The following PLPP4 variants were observed in gnomAD, a reference collection of about 807,000 sequenced individuals.
The protein encoded by PLPP4 is diacylglycerol pyrophosphate like 2.
PLPP4 carries 20 observed loss-of-function variants against 32.2 expected under a neutral mutation model. The observed-to-expected ratio is 0.62, with a 90% CI of 0.44 to 0.90. The LOEUF is 0.90. Ranked by LOEUF, PLPP4 falls within the 40% of genes least tolerant of loss-of-function variation. The pLI, the probability that PLPP4 is intolerant of heterozygous loss-of-function variation, is 0.00. For missense variants in PLPP4, 257 were observed against 353.1 expected, an observed-to-expected ratio of 0.73 and a Z score of 2.18; for synonymous variants, 127 against 133.0, an observed-to-expected ratio of 0.95 and a Z score of 0.31.
chr10:120,463,302 A>G (rs554728492), intron 1 of PLPP4, among the ~76,000 whole-genome samples: 3 of 152,298 alleles, frequency 2.0e-5, no homozygotes, highest in South Asian at 2.1e-4. Flanking sequence ...CTGGGATTAC[A>G]GGCGTGAGCC....
chr10:120,566,772 C>T (rs1848712123), intron 5 of PLPP4, among the ~76,000 whole-genome samples: 1 of 152,152 alleles, frequency 6.6e-6, no homozygotes, highest in Non-Finnish European at 1.5e-5. Context: ...CCAGGCTGGT[C>T]CCGAACTCCT....
At chr10:120,504,950 G>A (rs1845427095) in intron 2 of PLPP4, among the ~76,000 whole-genome samples, 1 of 152,232 alleles carries the variant, frequency 6.6e-6, no homozygotes, top group Admixed American at 6.5e-5. Flanking sequence ...CATAGAGCTG[G>A]TGAATATATT....
chr10:120,547,042 C>T (rs2133976122), intron 5 of PLPP4, among the ~76,000 whole-genome samples: 1 of 151,808 alleles, frequency 6.6e-6, no homozygotes, highest in African/African-American at 2.4e-5. Context: ...AGTTCAGGGA[C>T]CCTAGGTAGC....
intron 1 of PLPP4, among the ~76,000 whole-genome samples, chr10:120,496,104 A>G (rs954764974): frequency 5.3e-5 from 8 of 152,208 alleles, no homozygotes; most frequent in African/African-American, 1.9e-4. Flanking sequence ...GGGAAAAAGG[A>G]TGATGAAGTC....
At chr10:120,576,977 C>G (rs1311376154) in intron 6 of PLPP4, among the ~76,000 whole-genome samples, 1 of 152,210 alleles carries the variant, frequency 6.6e-6, no homozygotes, top group African/African-American at 2.4e-5. Flanking sequence ...TCTCATTGAT[C>G]CCTTGTGAGC....
intron 6 of PLPP4, among the ~76,000 whole-genome samples, chr10:120,578,113 G>C (rs1849308225): frequency 1.3e-5 from 2 of 152,180 alleles, no homozygotes; most frequent in Admixed American, 1.3e-4. Flanking sequence ...GAGAACCCCT[G>C]TTCTACATCA....
At chr10:120,518,065 C>A (rs940841560) in intron 3 of PLPP4, among the ~76,000 whole-genome samples, 7 of 152,172 alleles carry the variant, frequency 4.6e-5, no homozygotes, top group African/African-American at 1.7e-4. Flanking sequence ...TACGCACTCT[C>A]GATAAACCAC....
intron 1 of PLPP4, among the ~76,000 whole-genome samples, chr10:120,472,843 T>C (rs1848578510): frequency 6.6e-6 from 1 of 152,200 alleles, no homozygotes; most frequent in Non-Finnish European, 1.5e-5. Flanking sequence ...TCAAATTCAC[T>C]AATTCTTTAT....
At chr10:120,549,235 TAAAGA>T (rs979052666) in intron 5 of PLPP4, among the ~76,000 whole-genome samples, 1 of 151,060 alleles carries the variant, frequency 6.6e-6, no homozygotes, top group African/African-American at 2.4e-5. Flanking sequence ...CCTAAATACT[TAAAGA>T]AAAGATAATC....
At chr10:120,569,939 C>T (rs1010628982) in intron 5 of PLPP4, among the ~76,000 whole-genome samples, 7 of 152,142 alleles carry the variant, frequency 4.6e-5, no homozygotes, top group African/African-American at 1.7e-4. Context: ...ATGCTAAGAA[C>T]ATCTGTGATT....
At chr10:120,532,245 C>T (rs1044625243) in intron 5 of PLPP4, among the ~76,000 whole-genome samples, 3 of 152,092 alleles carry the variant, frequency 2.0e-5, no homozygotes, top group African/African-American at 7.2e-5. Flanking sequence ...ATGAACTCAT[C>T]TTTTTTTGTG....
At chr10:120,586,292 C>T (rs992062947) in intron 6 of PLPP4, among the ~76,000 whole-genome samples, 1 of 133,012 alleles carries the variant, frequency 7.5e-6, no homozygotes, top group East Asian at 2.2e-4. Context: ...TGCCAACACA[C>T]CTGGCTATTT....
In PLPP4 at chr10:120,575,271, C is replaced by T. The variant is rs367975027; in HGVS notation, c.586C>T (p.Arg196Cys). The T allele has an allele frequency of 6.1e-5, 98 of 1,613,918 alleles. No individual in the cohort carries two copies. Among genetic ancestry groups the T allele is most frequent in the East Asian group, 8.9e-5 (4 of 44,894 alleles). The change falls in exon 6 of 7, where the codon CGC becomes TGC. Residue 196 changes from arginine (R) to cysteine (C), a missense_variant. By Grantham distance (180) the Arg-to-Cys change is radical. Transcript: ENST00000398250. ...CTGCGCCATGATGATTGCCCTGTCC[C>T]GCATGTGCGACTACAAGCATCACTG... is the stretch of plus-strand genomic sequence containing the variant. The part of the protein sequence containing the change: ...LYCAMMIALS[R>C]MCDYKHHWQD...
At chr10:120,564,869 A>C (rs1449581872) in intron 5 of PLPP4, among the ~76,000 whole-genome samples, 1 of 151,864 alleles carries the variant, frequency 6.6e-6, no homozygotes, top group African/African-American at 2.4e-5. Flanking sequence ...TTAAATAGGG[A>C]GCAAATTTCT....
At chr10:120,462,541 T>C (rs1355838174) in intron 1 of PLPP4, among the ~76,000 whole-genome samples, 1 of 152,178 alleles carries the variant, frequency 6.6e-6, no homozygotes, top group East Asian at 1.9e-4. Flanking sequence ...ACTTCTTTGC[T>C]TTCCCCTGCT....
At chr10:120,532,713 A>T (rs1846798637) in intron 5 of PLPP4, among the ~76,000 whole-genome samples, 1 of 152,208 alleles carries the variant, frequency 6.6e-6, no homozygotes, top group Admixed American at 6.5e-5. Context: ...CATTTCATAT[A>T]AATGAAATAA....
At chr10:120,532,117 T>C (rs1031433109) in intron 5 of PLPP4, among the ~76,000 whole-genome samples, 2 of 152,092 alleles carry the variant, frequency 1.3e-5, no homozygotes, top group East Asian at 3.9e-4. Context: ...TGTGTCCATG[T>C]GTTCTCATTG....
At chr10:120,504,757 C>G (rs777307795) in intron 2 of PLPP4, among the ~76,000 whole-genome samples, 1 of 152,248 alleles carries the variant, frequency 6.6e-6, no homozygotes, top group Non-Finnish European at 1.5e-5. Context: ...TGAGAATTTT[C>G]TGTCCCCTCT....
intron 5 of PLPP4, among the ~76,000 whole-genome samples, chr10:120,560,652 G>A (rs545341706): frequency 6.6e-6 from 1 of 152,268 alleles, no homozygotes; most frequent in South Asian, 2.1e-4. Context: ...CTACTCAGGA[G>A]GCTGAGGCAG....
Sources: allele counts gnomAD v4.1 joint callset (sites outside exome capture counted in the v4.1 genomes callset), GRCh38; gene constraint gnomAD v4.1.1; transcripts MANE v1.5; gene names NCBI Gene and HGNC (gene_info 2026-07-23, HGNC 2026-07-21).